The following CAMK4 variants were observed in gnomAD, a reference collection of about 807,000 sequenced individuals.
CAMK4 encodes calcium/calmodulin-dependent protein kinase type IV.
A neutral mutation model predicts 44.9 loss-of-function variants in CAMK4; 22 were observed. That is an observed-to-expected ratio of 0.49 (90% CI 0.35 to 0.70). The LOEUF (loss-of-function observed/expected upper bound fraction) is 0.70, where lower values mean the gene tolerates loss of function less well. CAMK4 is among the 30% of genes least tolerant of loss of function. CAMK4 has a pLI of 0.01. For synonymous variants in CAMK4, 218 were observed against 215.4 expected (o/e 1.01, Z -0.11); for missense variants, 498 against 586.8 (o/e 0.85, Z 1.56).
intron 5 of CAMK4, among the ~76,000 whole-genome samples, chr5:111,423,237 C>A (rs764505551): frequency 1.3e-5 from 2 of 152,140 alleles, no homozygotes; most frequent in East Asian, 3.8e-4. Flanking sequence ...TGCAGGAGAG[C>A]ACTTTCCATG....
intron 4 of CAMK4, among the ~76,000 whole-genome samples, chr5:111,383,405 T>C (rs1751486661): frequency 6.6e-6 from 1 of 152,192 alleles, no homozygotes; most frequent in African/African-American, 2.4e-5. Flanking sequence ...ACCTTGCTTA[T>C]AAACTAATAA....
At chr5:111,336,356 T>C (rs1484651191) in intron 1 of CAMK4, among the ~76,000 whole-genome samples, 2 of 151,240 alleles carry the variant, frequency 1.3e-5, no homozygotes, top group South Asian at 2.1e-4. Context: ...AAAAATTAAC[T>C]GTTAATATGC....
chr5:111,339,929 G>C lies in CAMK4; in HGVS notation c.162-4095G>C, dbSNP rs557326095. On this transcript the variant is annotated intron_variant, in intron 1 of 10. Transcript: ENST00000282356. ...GCATGTTTATAGTTTTCAGTATACA[G>C]ATCTTTCACTTCTTTGTTTACATTT... 4.0e-5 allele frequency among the ~76,000 whole-genome samples: 6 copies of C among 151,118 alleles called. No homozygotes were observed. In the South Asian group the frequency reaches 1.2e-3, roughly 31 times the overall value.
chr5:111,343,311 A>G (rs866224093), intron 1 of CAMK4, among the ~76,000 whole-genome samples: 12 of 151,688 alleles, frequency 7.9e-5, no homozygotes, highest in Non-Finnish European at 1.6e-4. Context: ...AAGTTTACTG[A>G]TCTTAAGCTG....
intron 1 of CAMK4, among the ~76,000 whole-genome samples, chr5:111,289,097 A>G (rs1346989404): frequency 2.0e-5 from 3 of 152,216 alleles, no homozygotes; most frequent in Non-Finnish European, 4.4e-5. Context: ...CTGTAATCCC[A>G]GCACTTTGGG....
chr5:111,259,907 G>T (rs145593106), intron 1 of CAMK4, among the ~76,000 whole-genome samples: 1 of 152,250 alleles, frequency 6.6e-6, no homozygotes, highest in Non-Finnish European at 1.5e-5. Context: ...GCCAGTTGAA[G>T]ATCAATCAAA....
intron 1 of CAMK4, among the ~76,000 whole-genome samples, chr5:111,288,978 C>T (rs779636078): frequency 1.8e-4 from 27 of 152,194 alleles, no homozygotes; most frequent in Non-Finnish European, 1.0e-4. Flanking sequence ...TTTTCTTACA[C>T]TTCTGGGTTA....
At chr5:111,430,759 C>T (rs1351339074) in intron 5 of CAMK4, among the ~76,000 whole-genome samples, 4 of 152,034 alleles carry the variant, frequency 2.6e-5, no homozygotes, top group Admixed American at 6.6e-5. Flanking sequence ...AGTGAAAGAT[C>T]TCTATAATTA....
chr5:111,291,535 T>TAAC (rs1471284571), intron 1 of CAMK4, among the ~76,000 whole-genome samples: 2 of 152,234 alleles, frequency 1.3e-5, no homozygotes, highest in Non-Finnish European at 2.9e-5. Flanking sequence ...TTGATATTTG[T>TAAC]AGAGACAGGG....
intron 1 of CAMK4, among the ~76,000 whole-genome samples, chr5:111,273,078 A>C (rs1035708455): frequency 1.3e-5 from 2 of 152,122 alleles, no homozygotes; most frequent in African/African-American, 2.4e-5. Flanking sequence ...TAAGTCTGGA[A>C]ATTGTTGTCA....
intron 1 of CAMK4, among the ~76,000 whole-genome samples, chr5:111,310,641 A>G (rs987461698): frequency 6.6e-6 from 1 of 152,224 alleles, no homozygotes; most frequent in South Asian, 2.1e-4. Flanking sequence ...AAAGACAGCT[A>G]GTATTACTTT....
At chr5:111,386,464 A>G (rs1751606674) in intron 4 of CAMK4, among the ~76,000 whole-genome samples, 1 of 152,294 alleles carries the variant, frequency 6.6e-6, no homozygotes, top group African/African-American at 2.4e-5. Context: ...AGGGCTCCCA[A>G]TCTATGTGCC....
At chr5:111,252,225 G>A (rs1283889834) in intron 1 of CAMK4, among the ~76,000 whole-genome samples, 1 of 152,192 alleles carries the variant, frequency 6.6e-6, no homozygotes, top group Non-Finnish European at 1.5e-5. Context: ...AGAGTCACTT[G>A]TCTTGGCTTC....
chr5:111,483,038 T>C, intron 10 of CAMK4, 101 bp downstream of exon 10: 1 of 995,212 alleles, frequency 1.0e-6, no homozygotes, highest in South Asian at 2.7e-5. Flanking sequence ...TCTAATACTA[T>C]TATCTATTTC....
intron 2 of CAMK4, among the ~76,000 whole-genome samples, chr5:111,355,356 C>T (rs955904028): frequency 6.6e-6 from 1 of 151,974 alleles, no homozygotes. Context: ...AAATCTTGGC[C>T]TGATTTGTAT....
chr5:111,357,677 CA>C (rs1483489619), intron 2 of CAMK4, among the ~76,000 whole-genome samples: 3 of 152,026 alleles, frequency 2.0e-5, no homozygotes, highest in Admixed American at 2.0e-4. Flanking sequence ...ATATAGTTTT[CA>C]GTACTGAATT....
intron 2 of CAMK4, among the ~76,000 whole-genome samples, chr5:111,371,270 T>C: frequency 6.6e-6 from 1 of 152,144 alleles, no homozygotes; most frequent in Non-Finnish European, 1.5e-5. Context: ...CATTCTCCAT[T>C]TTGTATTAGC....
intron 1 of CAMK4, among the ~76,000 whole-genome samples, chr5:111,230,749 T>C (rs1748430791): frequency 6.6e-6 from 1 of 152,172 alleles, no homozygotes; most frequent in Non-Finnish European, 1.5e-5. Flanking sequence ...CAAAGTAGTG[T>C]TAGCCAAGTG....
intron 1 of CAMK4, among the ~76,000 whole-genome samples, chr5:111,313,119 G>A (rs1580572341): frequency 6.6e-6 from 1 of 152,066 alleles, no homozygotes; most frequent in East Asian, 1.9e-4. Context: ...ACTCAGCACT[G>A]CTCGCATTTT....
Sources: allele counts gnomAD v4.1 joint callset (sites outside exome capture counted in the v4.1 genomes callset), GRCh38; gene constraint gnomAD v4.1.1; transcripts MANE v1.5; gene names NCBI Gene and HGNC (gene_info 2026-07-23, HGNC 2026-07-21).